The following TRIM54 variants were observed in gnomAD, a reference collection of about 807,000 sequenced individuals.
TRIM54 encodes the protein tripartite motif-containing protein 54.
A neutral mutation model predicts 42.0 loss-of-function variants in TRIM54; 40 were observed. The ratio of observed to expected loss-of-function variants is 0.95; its 90% CI spans 0.74 to 1.24. TRIM54 has a LOEUF of 1.24. Among genes scored for constraint, TRIM54 ranks in the 50% most tolerant of loss-of-function variants. The probability of loss-of-function intolerance (pLI) is 0.00; values close to 1 mark genes in which losing one functional copy is unlikely to be tolerated. For missense variants in TRIM54, 485 were observed against 480.3 expected (o/e 1.01, Z -0.09); for synonymous variants, 199 against 194.9 (o/e 1.02, Z -0.17).
chr2:27,288,551 A>G (rs1678638356), intron 1 of TRIM54, among the ~76,000 whole-genome samples: 1 of 152,204 alleles, frequency 6.6e-6, no homozygotes, highest in African/African-American at 2.4e-5. Context: ...CTTATCCTTC[A>G]CAGTGGAGAA....
rs764355105 is a variant in TRIM54 at position 27,306,227 on chromosome 2, C to T, written c.881C>T (p.Ser294Leu). ...GGCCACTGCAGGGTCGGGGCCATGT[C>T]GAAGGTGGAGCTGGCAGGGCGGCCG... ...KELINKVGAM[S>L]KVELAGRPEP... Residue 294 changes from serine (S) to leucine (L), a missense_variant, in exon 7 of 9, where the codon TCG (serine) becomes TTG (leucine). Coordinates refer to ENST00000380075, the MANE Select transcript of TRIM54 (RefSeq NM_187841.3). This position sits in a 1 kb window ranked among gnomAD's most constrained non-coding sequence, Gnocchi z 6.1. The T allele has an allele frequency of 2.0e-5, 32 of 1,613,900 alleles. No homozygotes were observed. The highest frequency in any genetic ancestry group is 6.7e-5 in the East Asian group (3 of 44,896).
In TRIM54 at chr2:27,299,319, T is replaced by G; in HGVS notation, c.416T>G (p.Leu139Arg). 1 of 1,614,182 alleles carries G rather than the reference T, an allele frequency of 6.2e-7. No homozygotes were observed. The highest frequency in any genetic ancestry group is 8.5e-7 in the Non-Finnish European group (1 of 1,180,042). ...GAAGAGAAGATCAATATTTACTGCC[T>G]GAGCTGTGAGGTGCCCACCTGCTCT... The part of the protein sequence containing the change: ...HEEEKINIYC[L>R]SCEVPTCSLC... Residue 139 changes from leucine to arginine, a missense_variant, in exon 3 of 9, where the codon CTG (leucine) becomes CGG (arginine). Transcript: ENST00000380075.
rs537262256 is a variant in TRIM54, at chr2:27,305,006, C to T, written c.561C>T (p.Arg187=). 4.8e-5 allele frequency: 77 copies of T among 1,614,122 alleles called. 1 individual carries two copies. Among genetic ancestry groups the T allele is most frequent in the East Asian group, 1.3e-4 (6 of 44,884 alleles). Residue 187 remains arginine, a synonymous_variant, in exon 4 of 9, where the codon CGC becomes CGT. Transcript: ENST00000380075. ...CGATGCTGGTGGCAGGCAATGACCG[C>T]GTGCAAGCAGTGATCACACAGATGG... ...GIAMLVAGND[R]VQAVITQMEE...
At chr2:27,302,664 G>A (rs889628569) in intron 3 of TRIM54, among the ~76,000 whole-genome samples, 7 of 151,890 alleles carry the variant, frequency 4.6e-5, no homozygotes, top group Non-Finnish European at 8.8e-5. Context: ...GGTGGCAGTC[G>A]CCTGTAATCC....
intron 1 of TRIM54, among the ~76,000 whole-genome samples, chr2:27,287,375 T>G (rs1343920815): frequency 6.6e-6 from 1 of 152,030 alleles, no homozygotes; most frequent in Non-Finnish European, 1.5e-5. Context: ...GCTAATTTTT[T>G]TGTAATTTTT....
At chr2:27,283,752 T>C in intron 1 of TRIM54, among the ~76,000 whole-genome samples, 3 of 91,654 alleles carry the variant, frequency 3.3e-5, no homozygotes, top group African/African-American at 8.3e-5. Flanking sequence ...TCAGGGAGAG[T>C]GAGGGGCAAA....
chr2:27,283,764 G>GCACACGCACGCGCGCGCGCGCGCGCA (rs1678455586), intron 1 of TRIM54, among the ~76,000 whole-genome samples: 2 of 117,866 alleles, frequency 1.7e-5, no homozygotes, highest in African/African-American at 6.7e-5. Flanking sequence ...AGGGGCAAAG[G>GCACACGCACGCGCGCGCGCGCGCGCA]CACACACACA....
chr2:27,286,771 A>G (rs1031954844), intron 1 of TRIM54, among the ~76,000 whole-genome samples: 13 of 152,320 alleles, frequency 8.5e-5, no homozygotes, highest in African/African-American at 3.1e-4. Context: ...CTCCTTCTCT[A>G]ACAAGGGGCA....
At chr2:27,300,099 C>A (rs1426794474) in intron 3 of TRIM54, among the ~76,000 whole-genome samples, 1 of 150,530 alleles carries the variant, frequency 6.6e-6, no homozygotes, top group African/African-American at 2.5e-5. Flanking sequence ...ACCTCAATCT[C>A]CCAAGTAGCT....
At position 27,286,743 on chromosome 2, in the gene TRIM54, G is replaced by A. The variant is rs182092325; in HGVS notation, c.168+3844G>A. Among the ~76,000 whole-genome samples, 11 of 152,292 alleles carry A rather than the reference G, an allele frequency of 7.2e-5. No individual in the cohort carries two copies. In the East Asian group the frequency reaches 1.7e-3, roughly 24 times the overall value. On this transcript the variant is annotated intron_variant, in intron 1 of 8. Coordinates refer to ENST00000380075, the MANE Select transcript of TRIM54 (RefSeq NM_187841.3). ...TCTACAGAGGGACTTGCAGAGGGGG[G>A]ATTGTCAAGAAAGAAGCCTCCTTCT...
Position 27,306,362 on chromosome 2 carries a change from T to C in TRIM54, c.991+25T>C. 1 of 1,613,922 alleles carries C rather than the reference T, an allele frequency of 6.2e-7. No homozygotes were observed. Among genetic ancestry groups the C allele is most frequent in the Non-Finnish European group, 8.5e-7 (1 of 1,179,908 alleles). ...GGTGAAGGAGGTGGCCGAGGGCCGC[T>C]GAGACGGGTTCGGACCCTCTGTGTG... On this transcript the variant is annotated intron_variant, in intron 7 of 8. Coordinates refer to ENST00000380075, the MANE Select transcript of TRIM54 (RefSeq NM_187841.3). The surrounding 1 kb of genome is among the most constrained non-coding windows in gnomAD (Gnocchi z 6.1).
At chr2:27,292,033 T>C (rs1678733220) in intron 1 of TRIM54, among the ~76,000 whole-genome samples, 1 of 152,196 alleles carries the variant, frequency 6.6e-6, no homozygotes, top group African/African-American at 2.4e-5. Flanking sequence ...CAGGAACTTT[T>C]CAAAGGACTT....
chr2:27,300,228 A>G (rs771661125), intron 3 of TRIM54, among the ~76,000 whole-genome samples: 1 of 151,976 alleles, frequency 6.6e-6, no homozygotes, highest in African/African-American at 2.4e-5. Context: ...CTGGAGTGCA[A>G]TGGCACGATC....
chr2:27,300,224 T>C (rs1467489349), intron 3 of TRIM54, among the ~76,000 whole-genome samples: 1 of 152,142 alleles, frequency 6.6e-6, no homozygotes, highest in Non-Finnish European at 1.5e-5. Context: ...CAGGCTGGAG[T>C]GCAATGGCAC....
At chr2:27,291,021 G>C (rs913377637) in intron 1 of TRIM54, among the ~76,000 whole-genome samples, 2 of 152,166 alleles carry the variant, frequency 1.3e-5, no homozygotes, top group African/African-American at 2.4e-5. Flanking sequence ...CCATAGCTGT[G>C]TACTACCTGT....
chr2:27,305,765 T>A lies in TRIM54; in HGVS notation c.791T>A (p.Val264Glu). 1.9e-6 allele frequency: 3 copies of A among 1,611,320 alleles called. No individual in the cohort carries two copies. Among genetic ancestry groups the A allele is most frequent in the Non-Finnish European group, 2.5e-6 (3 of 1,178,860 alleles). The change falls in exon 5 of 9, where the codon GTG becomes GAG. Residue 264 changes from valine to glutamate, a missense_variant. Val to Glu is a moderately radical substitution (Grantham distance 121, BLOSUM62 -2). Transcript: ENST00000380075. ...CACCTGGAGGCCTCCTCTAAGCTGGTGGAGTCTGCCATCCAGTCCATGGAA... is the reference window on the plus strand; with the variant it reads ...CACCTGGAGGCCTCCTCTAAGCTGGAGGAGTCTGCCATCCAGTCCATGGAA... ...GDHLEASSKL[V>E]ESAIQSMEEP...
intron 1 of TRIM54, among the ~76,000 whole-genome samples, chr2:27,289,455 TA>T: frequency 6.6e-6 from 1 of 152,200 alleles, no homozygotes; most frequent in South Asian, 2.1e-4. Flanking sequence ...TCGCTGGGAT[TA>T]CAGACACATG....
rs1678758938 is a variant in TRIM54 at position 27,292,926 on chromosome 2, T to C, written c.169-5641T>C. ...ATCTATGTGACTTTTATCAGCATCATCCATTCTCCTGTCAAATGTGGATTT... is the reference window on the plus strand; with the variant it reads ...ATCTATGTGACTTTTATCAGCATCACCCATTCTCCTGTCAAATGTGGATTT... On this transcript the variant is annotated intron_variant, in intron 1 of 8. Coordinates refer to ENST00000380075, the MANE Select transcript of TRIM54 (RefSeq NM_187841.3). Among the ~76,000 whole-genome samples, 5 of 152,266 alleles carry C rather than the reference T, an allele frequency of 3.3e-5. No individual in the cohort carries two copies. In the South Asian group the frequency reaches 1.0e-3, roughly 31 times the overall value.
chr2:27,304,271 T>G (rs142882400), intron 3 of TRIM54, among the ~76,000 whole-genome samples: 1,590 of 143,024 alleles, frequency 0.011, 13 homozygotes, highest in African/African-American at 0.017. Context: ...GATATATATA[T>G]ATATATAGAT....
Sources: allele counts gnomAD v4.1 joint callset (sites outside exome capture counted in the v4.1 genomes callset), GRCh38; gene constraint gnomAD v4.1.1; non-coding constraint Gnocchi (gnomAD v3.1); transcripts MANE v1.5; gene names NCBI Gene and HGNC (gene_info 2026-07-23, HGNC 2026-07-21).